The following ZFHX3 variants were observed in gnomAD, a reference collection of about 807,000 sequenced individuals.
ZFHX3 encodes the protein zinc finger homeobox protein 3.
ZFHX3 carries 42 observed loss-of-function variants against 279.1 expected under a neutral mutation model. That is an observed-to-expected ratio of 0.15 (90% CI 0.12 to 0.19). The LOEUF is 0.19. Ranked by LOEUF, ZFHX3 falls within the 10% of genes least tolerant of loss-of-function variation. ZFHX3 has a pLI of 1.00. For missense variants in ZFHX3, 4,981 were observed against 4,754.0 expected (o/e 1.05, Z -1.40); for synonymous variants, 2,293 against 1,957.8 (o/e 1.17, Z -4.52).
At chr16:73,546,308 T>C (rs1373717778) in intron 2 of ZFHX3, among the ~76,000 whole-genome samples, 1 of 152,136 alleles carries the variant, frequency 6.6e-6, no homozygotes, top group Non-Finnish European at 1.5e-5. Context: ...TTTCTCCCCC[T>C]GTGCATCCAA....
intron 1 of ZFHX3, among the ~76,000 whole-genome samples, chr16:72,991,496 A>T (rs759111107): frequency 7.2e-5 from 11 of 152,246 alleles, no homozygotes; most frequent in South Asian, 2.1e-4. Flanking sequence ...TTCATCACTC[A>T]TATGATGGGT....
intron 1 of ZFHX3, among the ~76,000 whole-genome samples, chr16:73,882,794 C>T (rs1427294313): frequency 1.3e-5 from 2 of 151,804 alleles, no homozygotes; most frequent in South Asian, 2.1e-4. Context: ...AACAACTACT[C>T]AAAAAAAGTT....
At chr16:72,940,704 A>C (rs1227167654) in intron 3 of ZFHX3, among the ~76,000 whole-genome samples, 1 of 152,268 alleles carries the variant, frequency 6.6e-6, no homozygotes, top group Non-Finnish European at 1.5e-5. Context: ...CTGCCAAGGC[A>C]ATGTGGGTAT....
intron 1 of ZFHX3, among the ~76,000 whole-genome samples, chr16:73,027,918 T>C (rs561948321): frequency 4.9e-4 from 74 of 152,182 alleles, no homozygotes; most frequent in Non-Finnish European, 8.2e-4. Flanking sequence ...GCACTCCTCA[T>C]CGCTCAGCAC....
chr16:73,559,915 G>C (rs1567518818), intron 2 of ZFHX3, among the ~76,000 whole-genome samples: 1 of 152,190 alleles, frequency 6.6e-6, no homozygotes, highest in Non-Finnish European at 1.5e-5. Context: ...TTTGTGTTCA[G>C]GAAGGGAACC....
intron 3 of ZFHX3, among the ~76,000 whole-genome samples, chr16:73,335,260 A>G (rs979857852): frequency 6.6e-6 from 1 of 152,178 alleles, no homozygotes; most frequent in Non-Finnish European, 1.5e-5. Flanking sequence ...CAAACAAATG[A>G]AGACAGGTTT....
intron 1 of ZFHX3, among the ~76,000 whole-genome samples, chr16:73,687,037 TATATA>T (rs997579919): frequency 4.7e-5 from 5 of 106,318 alleles, no homozygotes; most frequent in African/African-American, 2.0e-4. Flanking sequence ...TATATATATA[TATATA>T]TATATATATA....
chr16:73,168,734 C>T (rs1381421019), intron 5 of ZFHX3, among the ~76,000 whole-genome samples: 1 of 152,204 alleles, frequency 6.6e-6, no homozygotes, highest in Non-Finnish European at 1.5e-5. Flanking sequence ...AATGTATCAT[C>T]TCCATCCACA....
intron 1 of ZFHX3, among the ~76,000 whole-genome samples, chr16:72,998,774 G>A (rs746269281): frequency 6.6e-6 from 1 of 152,286 alleles, no homozygotes. Context: ...TCTTTCCCAC[G>A]GCATTAACAA....
At chr16:73,185,820 G>A (rs1024038774) in intron 5 of ZFHX3, among the ~76,000 whole-genome samples, 6 of 152,042 alleles carry the variant, frequency 3.9e-5, no homozygotes, top group East Asian at 3.9e-4. Flanking sequence ...CCCGGGCCAC[G>A]GACCAGTACT....
intron 1 of ZFHX3, among the ~76,000 whole-genome samples, chr16:73,700,245 T>A (rs2053234913): frequency 6.6e-6 from 1 of 151,912 alleles, no homozygotes; most frequent in Non-Finnish European, 1.5e-5. Context: ...AAAAGAAAAT[T>A]CCTTTCTTCT....
At chr16:73,483,495 C>G in intron 2 of ZFHX3, 1 of 414,474 alleles carries the variant, frequency 2.4e-6, no homozygotes, top group Non-Finnish European at 4.7e-6. Flanking sequence ...GTTCCGTCAG[C>G]CTCGACGCTG....
chr16:73,534,782 G>T (rs564397257), intron 2 of ZFHX3, among the ~76,000 whole-genome samples: 1 of 152,248 alleles, frequency 6.6e-6, no homozygotes, highest in Middle Eastern at 3.4e-3. Context: ...CTTTCTTGTG[G>T]CATTTTATAA....
chr16:73,027,214 G>A (rs746477672), intron 1 of ZFHX3, among the ~76,000 whole-genome samples: 3 of 152,222 alleles, frequency 2.0e-5, no homozygotes, highest in South Asian at 2.1e-4. Flanking sequence ...GTGTTGGGTC[G>A]GAACTGGCCC....
chr16:73,248,969 T>C (rs747062892), intron 5 of ZFHX3, among the ~76,000 whole-genome samples: 3 of 152,176 alleles, frequency 2.0e-5, no homozygotes, highest in Non-Finnish European at 4.4e-5. Context: ...TTCATTAGAT[T>C]GGGAATTAGA....
chr16:73,807,166 G>A (rs1017245915), intron 1 of ZFHX3, among the ~76,000 whole-genome samples: 1 of 152,180 alleles, frequency 6.6e-6, no homozygotes, highest in East Asian at 1.9e-4. Context: ...CATTTCAGCT[G>A]TGGATGCCTC....
intron 2 of ZFHX3, among the ~76,000 whole-genome samples, chr16:73,538,942 G>A (rs1422596117): frequency 9.2e-5 from 14 of 152,152 alleles, no homozygotes; most frequent in Admixed American, 9.2e-4. Context: ...CAAAGTCTCT[G>A]AGATACCTTA....
chr16:73,118,536 T>C (rs1288435036), intron 7 of ZFHX3, among the ~76,000 whole-genome samples: 1 of 152,140 alleles, frequency 6.6e-6, no homozygotes, highest in African/African-American at 2.4e-5. Flanking sequence ...ATATGACATG[T>C]GCAACTTCCC....
intron 2 of ZFHX3, among the ~76,000 whole-genome samples, chr16:73,661,727 A>C (rs1405409760): frequency 6.6e-6 from 1 of 151,124 alleles, no homozygotes; most frequent in Non-Finnish European, 1.5e-5. Flanking sequence ...ATCTCAGAAA[A>C]AAAAAAAAAA....
Sources: gnomAD v4.1 joint callset for allele counts (sites outside exome capture counted in the v4.1 genomes callset) on GRCh38, gnomAD v4.1.1 for gene constraint, MANE v1.5 for transcripts, NCBI Gene and HGNC (gene_info 2026-07-23, HGNC 2026-07-21) for gene names.